Variants in EYS observed in about 807,000 individuals in gnomAD.
EYS encodes protein eyes shut homolog.
EYS carries 250 observed loss-of-function variants against 282.1 expected under a neutral mutation model. The ratio of observed to expected loss-of-function variants is 0.89; its 90% CI spans 0.80 to 0.98. EYS has a LOEUF of 0.98. Among genes scored for constraint, EYS ranks in the 50% least tolerant of loss-of-function variants. The probability of loss-of-function intolerance (pLI) is 0.00; values close to 1 mark genes in which losing one functional copy is unlikely to be tolerated. For synonymous variants in EYS, 1,355 were observed against 1,282.9 expected (o/e 1.06, Z -1.20); for missense variants, 4,016 against 3,709.0 (o/e 1.08, Z -2.15).
chr6:65,143,364 G>T (rs60216157), intron 12 of EYS, among the ~76,000 whole-genome samples: 1 of 151,394 alleles, frequency 6.6e-6, no homozygotes, highest in South Asian at 2.1e-4. Context: ...CAAAACAGTG[G>T]TCATCAATGG....
At chr6:65,574,394 A>C (rs763712242) in intron 2 of EYS, among the ~76,000 whole-genome samples, 1 of 152,190 alleles carries the variant, frequency 6.6e-6, no homozygotes, top group African/African-American at 2.4e-5. Context: ...AGCATAACAC[A>C]TAAGAATGTA....
At position 65,512,471 on chromosome 6, in the gene EYS, C is replaced by T. The variant is rs533783334; in HGVS notation, c.-332-16478G>A. ...GCCACTGCACTCCATCCAGTCTGGG[C>T]GACAGAGCGAGACTCTATCTCAAAA... On this transcript the variant is annotated intron_variant, in intron 2 of 42. Coordinates refer to ENST00000503581, the MANE Select transcript of EYS (RefSeq NM_001142800.2). Among the ~76,000 whole-genome samples, 1,020 of 130,030 alleles carry T rather than the reference C, an allele frequency of 7.8e-3. 6 individuals carry two copies. The highest frequency in any genetic ancestry group is 0.01 in the Non-Finnish European group (665 of 64,106). 85.3% of individuals were successfully genotyped at this position (130,030 alleles called of 152,430 possible).
At chr6:64,042,553 A>G (rs1218236957) in intron 33 of EYS, among the ~76,000 whole-genome samples, 1 of 152,162 alleles carries the variant, frequency 6.6e-6, no homozygotes, top group African/African-American at 2.4e-5. Flanking sequence ...TGAATATCCC[A>G]GGTAGTGCCT....
Position 64,081,960 on chromosome 6 carries a change from A to G in EYS, c.6467T>C (p.Leu2156Ser). ...FFPSFNGNSY[L>S]ELPFLKFVLE... is the part of the protein sequence containing the mutation. ...GACAAACTTCAAAAAGGGCAGTTCT[A>G]AATAGGAATTCCCATTGAAAGATGG... The change falls in exon 32 of 43, where the codon TTA becomes TCA. Residue 2156 changes from leucine (L) to serine (S), a missense_variant. Transcript: ENST00000503581. 6.5e-7 allele frequency: 1 copy of G among 1,544,962 alleles called. No individual in the cohort carries two copies. The highest frequency in any genetic ancestry group is 8.8e-7 in the Non-Finnish European group (1 of 1,141,388).
At chr6:65,397,350 A>C (rs774227792) in intron 7 of EYS, among the ~76,000 whole-genome samples, 1 of 151,876 alleles carries the variant, frequency 6.6e-6, no homozygotes, top group Non-Finnish European at 1.5e-5. Context: ...AATAGTTCAT[A>C]TTTCATTCTT....
At chr6:64,697,796 G>A (rs1046562833) in intron 22 of EYS, among the ~76,000 whole-genome samples, 8 of 151,946 alleles carry the variant, frequency 5.3e-5, no homozygotes, top group Non-Finnish European at 1.0e-4. Context: ...ATAAAAATTA[G>A]CTAGGCATGG....
chr6:64,607,376 T>A (rs564014235), intron 24 of EYS, among the ~76,000 whole-genome samples: 1 of 152,074 alleles, frequency 6.6e-6, no homozygotes, highest in East Asian at 1.9e-4. Flanking sequence ...GGTTGACTTA[T>A]AAATAACAGA....
intron 41 of EYS, among the ~76,000 whole-genome samples, chr6:63,758,769 A>G (rs1769559471): frequency 1.3e-5 from 2 of 152,146 alleles, no homozygotes; most frequent in Admixed American, 6.6e-5. Context: ...CACTATGGTC[A>G]TGATAATTTT....
At chr6:64,153,449 C>T (rs527722738) in intron 31 of EYS, among the ~76,000 whole-genome samples, 1 of 152,142 alleles carries the variant, frequency 6.6e-6, no homozygotes, top group African/African-American at 2.4e-5. Context: ...TAAAGAGTCA[C>T]TCTGTTTTCA....
At chr6:65,148,390 C>T (rs1265623899) in intron 12 of EYS, among the ~76,000 whole-genome samples, 1 of 152,094 alleles carries the variant, frequency 6.6e-6, no homozygotes, top group Non-Finnish European at 1.5e-5. Context: ...ATAGAACAGA[C>T]ATTAAACCTT....
At chr6:65,432,085 A>G (rs1377837579) in intron 5 of EYS, among the ~76,000 whole-genome samples, 2 of 152,198 alleles carry the variant, frequency 1.3e-5, no homozygotes, top group Non-Finnish European at 2.9e-5. Flanking sequence ...CTTATGATCC[A>G]TAAAAGTAAG....
chr6:64,320,814 T>C (rs1337425378), intron 29 of EYS, among the ~76,000 whole-genome samples: 4 of 151,878 alleles, frequency 2.6e-5, no homozygotes, highest in African/African-American at 9.7e-5. Flanking sequence ...TGTATTCCAA[T>C]TATTTATGTA....
At chr6:65,279,613 A>G (rs765113511) in intron 12 of EYS, among the ~76,000 whole-genome samples, 1 of 152,150 alleles carries the variant, frequency 6.6e-6, no homozygotes, top group East Asian at 1.9e-4. Context: ...AGCAGTAAGT[A>G]TAACAACTGA....
chr6:64,893,283 A>G (rs755977700), intron 18 of EYS, among the ~76,000 whole-genome samples: 2 of 152,068 alleles, frequency 1.3e-5, no homozygotes, highest in Non-Finnish European at 2.9e-5. Flanking sequence ...TCTTTAAATC[A>G]TGTTACTAGA....
chr6:65,275,282 C>A (rs1033195035), intron 12 of EYS, among the ~76,000 whole-genome samples: 1 of 152,158 alleles, frequency 6.6e-6, no homozygotes, highest in African/African-American at 2.4e-5. Context: ...GGACCTTAGT[C>A]GGAACTGAAT....
intron 22 of EYS, among the ~76,000 whole-genome samples, chr6:64,810,580 T>G (rs1416873153): frequency 1.3e-5 from 2 of 152,094 alleles, no homozygotes; most frequent in Admixed American, 6.6e-5. Context: ...AGTCTTTACC[T>G]TTTTTGTTTA....
At chr6:63,963,152 T>A (rs949030585) in intron 35 of EYS, among the ~76,000 whole-genome samples, 1 of 151,486 alleles carries the variant, frequency 6.6e-6, no homozygotes, top group Non-Finnish European at 1.5e-5. Context: ...AAGGATAGCA[T>A]TAGGAGATAT....
chr6:64,923,802 A>G (rs1328296087), intron 15 of EYS, among the ~76,000 whole-genome samples: 1 of 152,160 alleles, frequency 6.6e-6, no homozygotes, highest in Non-Finnish European at 1.5e-5. Context: ...TCTCACATCC[A>G]TGTCACACTG....
chr6:65,353,928 A>G (rs1192056910), intron 8 of EYS, among the ~76,000 whole-genome samples: 1 of 152,006 alleles, frequency 6.6e-6, no homozygotes, highest in Non-Finnish European at 1.5e-5. Context: ...TAAAATACCT[A>G]TGGTATAAAT....
Sources: gnomAD v4.1 joint callset for allele counts (sites outside exome capture counted in the v4.1 genomes callset) on GRCh38, gnomAD v4.1.1 for gene constraint, MANE v1.5 for transcripts, NCBI Gene and HGNC (gene_info 2026-07-23, HGNC 2026-07-21) for gene names.